HECW1: variants seen among roughly 807,000 people sequenced by gnomAD.
HECW1 encodes E3 ubiquitin-protein ligase HECW1.
A neutral mutation model predicts 182.3 loss-of-function variants in HECW1; 61 were observed. The observed-to-expected ratio is 0.33, with a 90% CI of 0.27 to 0.41. The LOEUF (loss-of-function observed/expected upper bound fraction) is 0.41. HECW1 is among the 10% of genes least tolerant of loss of function. The pLI is 1.00. For missense variants in HECW1, 1,739 were observed against 2,108.9 expected (o/e 0.82, Z 3.44); for synonymous variants, 859 against 832.6 (o/e 1.03, Z -0.55).
intron 2 of HECW1, among the ~76,000 whole-genome samples, chr7:43,128,664 A>G (rs1413280826): frequency 6.6e-6 from 1 of 152,192 alleles, no homozygotes; most frequent in African/African-American, 2.4e-5. Context: ...TTTAAGAAAT[A>G]CATTTCTTGA....
intron 3 of HECW1, among the ~76,000 whole-genome samples, chr7:43,276,362 T>C (rs1167272583): frequency 6.6e-6 from 1 of 152,182 alleles, no homozygotes; most frequent in Non-Finnish European, 1.5e-5. Flanking sequence ...AGACCTCCAG[T>C]GATGCTGGTC....
rs1301593547 is a variant in HECW1 at position 43,360,958 on chromosome 7, C to T, written c.533C>T (p.Thr178Met). Residue 178 changes from threonine (T) to methionine (M), a missense_variant, in exon 6 of 30, where the codon ACG (threonine) becomes ATG (methionine). Around this residue, in one of 5 missense-constraint regions of HECW1, gnomAD observed 279 missense variants for 353.1 expected, o/e 0.79. Transcript: ENST00000395891. The part of the protein sequence containing the change: ...GALRATTPSV[T>M]VKNSAAPIFK... Reference sequence around the variant, plus strand: ...CTGCGAGCAACCACCCCCAGTGTCACGGTCAAAAACTCGGCAGCTCCTGTA... The same window carrying T: ...CTGCGAGCAACCACCCCCAGTGTCATGGTCAAAAACTCGGCAGCTCCTGTA... 7.4e-6 allele frequency: 12 copies of T among 1,611,624 alleles called. No homozygotes were observed. Among genetic ancestry groups the T allele is most frequent in the Admixed American group, 6.7e-5 (4 of 59,588 alleles).
chr7:43,370,888 CT>C lies in HECW1; in HGVS notation c.555+9925del, dbSNP rs779010532. Among the ~76,000 whole-genome samples, 437 of 135,328 alleles carry C rather than the reference CT, an allele frequency of 3.2e-3. 10 individuals are homozygous for C. Among genetic ancestry groups the C allele is most frequent in the Middle Eastern group, 7.8e-3 (2 of 256 alleles). The allele number at this position is 135,328 out of a possible 152,430, so 88.8% of individuals were successfully genotyped here. A position where few individuals can be genotyped will look rare whatever the true frequency, so the allele number is the denominator to read the frequency against. ...AGAGGATTTTTAGGGCAATGATATT[CT>C]TTTTTTTTTTTTTTTTGAAATGGAG... On this transcript the variant is annotated intron_variant, in intron 6 of 29. Coordinates refer to ENST00000395891, the MANE Select transcript of HECW1 (RefSeq NM_015052.5).
chr7:43,418,979 G>A (rs1222501695), intron 8 of HECW1, among the ~76,000 whole-genome samples: 1 of 152,182 alleles, frequency 6.6e-6, no homozygotes, highest in Admixed American at 6.5e-5. Flanking sequence ...CATATGGTGG[G>A]AGGCACCTCA....
chr7:43,139,724 T>C (rs1308657435), intron 2 of HECW1, among the ~76,000 whole-genome samples: 1 of 152,228 alleles, frequency 6.6e-6, no homozygotes, highest in Non-Finnish European at 1.5e-5. Context: ...CTTCTAATCT[T>C]TTAATTTACT....
At chr7:43,508,752 T>C in intron 23 of HECW1, 1 of 556,486 alleles carries the variant, frequency 1.8e-6, no homozygotes, top group Non-Finnish European at 3.2e-6. Flanking sequence ...AGTTTATTCA[T>C]GGACATCTGG....
Position 43,126,124 on chromosome 7 carries a change from T to C in HECW1, c.-32+11733T>C, listed in dbSNP as rs376387800. ...TCACCACTGTACTGACGAGGATCACTTTCCTATTTAAATGAAACCCTACCA... is the reference window on the plus strand; with the variant it reads ...TCACCACTGTACTGACGAGGATCACCTTCCTATTTAAATGAAACCCTACCA... On this transcript the variant is annotated intron_variant, in intron 2 of 29. Transcript: ENST00000395891. Among the ~76,000 whole-genome samples, 68 of 143,514 alleles carry C rather than the reference T, an allele frequency of 4.7e-4. 1 individual carries two copies. In the South Asian group the frequency reaches 0.013, roughly 27 times the overall value. 94.2% of individuals were successfully genotyped at this position (143,514 alleles called of 152,430 possible).
At chr7:43,120,066 G>A (rs1248731858) in intron 2 of HECW1, among the ~76,000 whole-genome samples, 1 of 152,206 alleles carries the variant, frequency 6.6e-6, no homozygotes, top group Non-Finnish European at 1.5e-5. Context: ...GGATCACAGT[G>A]CAAAACAGTC....
chr7:43,441,637 C>T (rs2076891662), intron 9 of HECW1, among the ~76,000 whole-genome samples: 1 of 152,068 alleles, frequency 6.6e-6, no homozygotes, highest in Non-Finnish European at 1.5e-5. Flanking sequence ...TTTGCAAGGC[C>T]CACAGTCCCT....
chr7:43,292,253 G>A (rs571715627), intron 3 of HECW1, among the ~76,000 whole-genome samples: 1 of 152,276 alleles, frequency 6.6e-6, no homozygotes, highest in South Asian at 2.1e-4. Flanking sequence ...ATCACAACCA[G>A]CCAGGATGGT....
intron 2 of HECW1, among the ~76,000 whole-genome samples, chr7:43,143,271 A>T (rs1169785878): frequency 6.6e-6 from 1 of 151,340 alleles, no homozygotes; most frequent in Non-Finnish European, 1.5e-5. Flanking sequence ...GTGCCCGGCC[A>T]AGGCCGCCTT....
intron 24 of HECW1, among the ~76,000 whole-genome samples, chr7:43,530,218 A>G (rs1294076594): frequency 6.6e-6 from 1 of 150,616 alleles, no homozygotes; most frequent in Non-Finnish European, 1.5e-5. Context: ...TCAGCCTTCC[A>G]AAGCGCTGGG....
intron 3 of HECW1, among the ~76,000 whole-genome samples, chr7:43,278,772 T>C (rs752165107): frequency 3.3e-5 from 5 of 152,042 alleles, no homozygotes; most frequent in Non-Finnish European, 5.9e-5. Context: ...TCCTCCTAAG[T>C]CACCCCTAGG....
At chr7:43,193,371 A>G (rs1022603968) in intron 2 of HECW1, among the ~76,000 whole-genome samples, 1 of 151,660 alleles carries the variant, frequency 6.6e-6, no homozygotes, top group African/African-American at 2.4e-5. Context: ...ATATCTTCCT[A>G]TCTTACTTCA....
At chr7:43,226,971 C>T (rs970131971) in intron 2 of HECW1, among the ~76,000 whole-genome samples, 3 of 152,160 alleles carry the variant, frequency 2.0e-5, no homozygotes, top group African/African-American at 7.2e-5. Flanking sequence ...ATGAAAACTG[C>T]CTGTCATATT....
At chr7:43,251,487 T>C (rs1462843089) in intron 3 of HECW1, among the ~76,000 whole-genome samples, 3 of 152,110 alleles carry the variant, frequency 2.0e-5, no homozygotes, top group Non-Finnish European at 4.4e-5. Flanking sequence ...AGCTAATTTT[T>C]GTATTTTTAA....
intron 2 of HECW1, among the ~76,000 whole-genome samples, chr7:43,157,843 G>A (rs1285534996): frequency 1.3e-5 from 2 of 152,182 alleles, no homozygotes; most frequent in Non-Finnish European, 2.9e-5. Flanking sequence ...CTATAGGCAT[G>A]AGCCACCGTG....
intron 3 of HECW1, chr7:43,258,788 T>C (rs916121960): frequency 1.3e-5 from 2 of 152,222 alleles, no homozygotes; most frequent in African/African-American, 4.8e-5. Context: ...AGACATATTT[T>C]TATTTGTTGG....
chr7:43,207,586 G>A (rs1248525603), intron 2 of HECW1, among the ~76,000 whole-genome samples: 3 of 152,094 alleles, frequency 2.0e-5, no homozygotes, highest in Non-Finnish European at 4.4e-5. Flanking sequence ...CTCTTGTCTA[G>A]CTGAAATTTT....
Sources: allele counts gnomAD v4.1 joint callset (sites outside exome capture counted in the v4.1 genomes callset), GRCh38; gene constraint gnomAD v4.1.1; regional missense constraint gnomAD v4.1.1; transcripts MANE v1.5; gene names NCBI Gene and HGNC (gene_info 2026-07-23, HGNC 2026-07-21).